GON4L: variants seen among roughly 807,000 people sequenced by gnomAD.
GON4L encodes GON-4-like protein.
Under a neutral mutation model 211.8 loss-of-function variants are expected in GON4L, and 87 were observed. The observed-to-expected ratio is 0.41, with a 90% CI of 0.35 to 0.49. The LOEUF (loss-of-function observed/expected upper bound fraction) is 0.49, where lower values mean the gene tolerates loss of function less well. GON4L is among the 20% of genes least tolerant of loss of function. The probability of loss-of-function intolerance (pLI) is 0.15; values close to 1 mark genes in which losing one functional copy is unlikely to be tolerated. For missense variants in GON4L, 2,155 were observed against 2,659.5 expected (o/e 0.81, Z 4.17); for synonymous variants, 875 against 962.6 (o/e 0.91, Z 1.68).
At chr1:155,788,181 C>T (rs1410482649) in intron 12 of GON4L, among the ~76,000 whole-genome samples, 2 of 151,996 alleles carry the variant, frequency 1.3e-5, no homozygotes, top group Admixed American at 6.6e-5. Context: ...TTAGTAGCGA[C>T]GGTGTTTCAC....
intron 1 of GON4L, among the ~76,000 whole-genome samples, chr1:155,854,977 T>G (rs1471806615): frequency 6.7e-6 from 1 of 149,972 alleles, no homozygotes; most frequent in Admixed American, 6.7e-5. Context: ...GAGGTTGCAG[T>G]GAGCCGAGAT....
At chr1:155,808,371 C>A (rs576094346) in intron 10 of GON4L, among the ~76,000 whole-genome samples, 1 of 152,244 alleles carries the variant, frequency 6.6e-6, no homozygotes, top group African/African-American at 2.4e-5. Flanking sequence ...AATCTACACC[C>A]CTTATCATGG....
chr1:155,757,132 G>A (rs1448968243), intron 26 of GON4L, 48 bp downstream of exon 26: 4 of 1,613,632 alleles, frequency 2.5e-6, no homozygotes, highest in East Asian at 2.2e-5. Flanking sequence ...TCCCTCCCAC[G>A]TGTGGCCTTC....
intron 3 of GON4L, among the ~76,000 whole-genome samples, chr1:155,824,463 G>A (rs1484332710): frequency 1.6e-4 from 14 of 88,762 alleles, no homozygotes; most frequent in Admixed American, 2.4e-4. Flanking sequence ...AAAAAAAAAA[G>A]GCTAGGCACG....
chr1:155,839,815 G>T (rs1167301091), intron 2 of GON4L, among the ~76,000 whole-genome samples: 1 of 152,108 alleles, frequency 6.6e-6, no homozygotes, highest in Non-Finnish European at 1.5e-5. Context: ...CTAAAGAATG[G>T]TCTCCTATGT....
chr1:155,779,167 T>A (rs1288291006), intron 14 of GON4L, among the ~76,000 whole-genome samples: 1 of 141,272 alleles, frequency 7.1e-6, no homozygotes, highest in Non-Finnish European at 1.5e-5. Flanking sequence ...GGCAGGAGAA[T>A]GGCGTGAACC....
At chr1:155,822,054 A>G (rs750017800) in intron 4 of GON4L, among the ~76,000 whole-genome samples, 2 of 152,216 alleles carry the variant, frequency 1.3e-5, no homozygotes, top group African/African-American at 2.4e-5. Flanking sequence ...GGAAACAGGA[A>G]CAGTTTATCT....
intron 24 of GON4L, among the ~76,000 whole-genome samples, chr1:155,758,272 A>G (rs1443187065): frequency 1.3e-5 from 2 of 152,218 alleles, no homozygotes; most frequent in African/African-American, 2.4e-5. Flanking sequence ...AGAGATGTAT[A>G]TATTTCAAGT....
At chr1:155,785,400 G>A (rs200801159) in intron 12 of GON4L, 26 bp from the exon 13 acceptor site, 4 of 1,537,094 alleles carry the variant, frequency 2.6e-6, no homozygotes, top group East Asian at 2.2e-5. Context: ...ACAGTATATT[G>A]TTGGTATAAA....
downstream of GON4L, chr1:155,745,726 A>C (rs1455053878): frequency 4.0e-6 from 4 of 1,009,082 alleles, no homozygotes; most frequent in Non-Finnish European, 5.8e-6. Context: ...TTGCGGACCA[A>C]TAAGTCGCCA....
downstream of GON4L, chr1:155,748,863 T>C (rs1474903845): frequency 1.5e-5 from 21 of 1,419,478 alleles, no homozygotes; most frequent in Non-Finnish European, 1.9e-5. Context: ...TTCTCGGGCA[T>C]TCTAATGATG....
At chr1:155,846,680 C>G (rs1162463565) in intron 2 of GON4L, 1 of 151,900 alleles carries the variant, frequency 6.6e-6, no homozygotes, top group Non-Finnish European at 1.5e-5. Context: ...AACCAGCGTG[C>G]TACTGGGGGG....
chr1:155,770,063 T>C (rs566739401), intron 19 of GON4L, among the ~76,000 whole-genome samples: 1 of 107,258 alleles, frequency 9.3e-6, no homozygotes, highest in East Asian at 2.8e-4. Flanking sequence ...AAAAAATTAA[T>C]AGGCAAGCAT....
chr1:155,781,388 T>C (rs1664408758), intron 14 of GON4L, among the ~76,000 whole-genome samples: 1 of 151,954 alleles, frequency 6.6e-6, no homozygotes, highest in South Asian at 2.1e-4. Flanking sequence ...TCAGGTGATA[T>C]GCCTGCTTCG....
At chr1:155,845,352 C>T (rs1182718005) in intron 2 of GON4L, 2 of 208,498 alleles carry the variant, frequency 9.6e-6, no homozygotes, top group African/African-American at 4.7e-5. Context: ...GGGAGCCAGG[C>T]CTGGTGGCCA....
At chr1:155,827,222 G>C (rs1311501749) in intron 2 of GON4L, among the ~76,000 whole-genome samples, 194 bp from the exon 3 acceptor site, 1 of 152,134 alleles carries the variant, frequency 6.6e-6, no homozygotes, top group African/African-American at 2.4e-5. Flanking sequence ...AGTTAAACTA[G>C]GTAATTGCTG....
At chr1:155,785,181 C>T (rs1664816748) in intron 13 of GON4L, 153 bp downstream of exon 13, 1 of 741,038 alleles carries the variant, frequency 1.3e-6, no homozygotes, top group Non-Finnish European at 2.5e-6. Context: ...AGCAAAATTC[C>T]CTTGTCATTA....
chr1:155,853,455 T>C lies in GON4L; in HGVS notation c.326A>G (p.Glu109Gly), dbSNP rs766529822. ...ISQGITLPSL[E>G]SFHPLNIHIG... ...GTGTATATTAAGGGGGTGAAAAGACTCCAAGGAAGGTAGGGTGATTCCCTG... is the reference window on the plus strand; with the variant it reads ...GTGTATATTAAGGGGGTGAAAAGACCCCAAGGAAGGTAGGGTGATTCCCTG... Residue 109 changes from glutamate (E) to glycine (G), a missense_variant, in exon 2 of 32, where the codon GAG becomes GGG. Glu to Gly is a moderately conservative substitution (Grantham distance 98). This residue lies in a region of GON4L where 313 missense variants were observed against 293.2 expected (regional missense o/e 1.07). Coordinates refer to ENST00000368331, the MANE Select transcript of GON4L (RefSeq NM_001282860.2). 1 of 1,614,028 alleles carries C rather than the reference T, an allele frequency of 6.2e-7. No homozygotes were observed. Among genetic ancestry groups the C allele is most frequent in the Admixed American group, 1.7e-5 (1 of 60,006 alleles).
chr1:155,769,117 A>C (rs1275973882), intron 19 of GON4L, among the ~76,000 whole-genome samples: 1 of 151,982 alleles, frequency 6.6e-6, no homozygotes, highest in Admixed American at 6.6e-5. Flanking sequence ...CTGGGATTAC[A>C]GGTGAGTGGC....
Sources: gnomAD v4.1 joint callset for allele counts (sites outside exome capture counted in the v4.1 genomes callset) on GRCh38, gnomAD v4.1.1 for gene constraint, gnomAD v4.1.1 regional missense constraint, MANE v1.5 for transcripts, NCBI Gene and HGNC (gene_info 2026-07-23, HGNC 2026-07-21) for gene names.